SORCS2: variants seen among roughly 807,000 people sequenced by gnomAD.
SORCS2 encodes sortilin related VPS10 domain containing receptor 2, also known as VPS10 domain-containing receptor SorCS2.
SORCS2 carries 100 observed loss-of-function variants against 141.6 expected under a neutral mutation model. The ratio of observed to expected loss-of-function variants is 0.71; its 90% CI spans 0.60 to 0.83. The LOEUF (loss-of-function observed/expected upper bound fraction) is 0.83, where lower values mean the gene tolerates loss of function less well. Among genes scored for constraint, SORCS2 ranks in the 40% least tolerant of loss-of-function variants. The probability of loss-of-function intolerance (pLI) is 0.00; values close to 1 mark genes in which losing one functional copy is unlikely to be tolerated. For synonymous variants in SORCS2, 789 were observed against 676.9 expected, an observed-to-expected ratio of 1.17 and a Z score of -2.57; for missense variants, 1,646 against 1,560.2, an observed-to-expected ratio of 1.05 and a Z score of -0.93.
intron 1 of SORCS2, among the ~76,000 whole-genome samples, chr4:7,394,009 C>A (rs1017552477): frequency 5.9e-5 from 9 of 152,118 alleles, no homozygotes; most frequent in African/African-American, 1.9e-4. Context: ...TCTGGCTTCT[C>A]CAGCACTGGC....
chr4:7,654,072 C>A, intron 4 of SORCS2, 62 bp from the exon 5 acceptor site: 1 of 1,441,720 alleles, frequency 6.9e-7, no homozygotes, highest in Non-Finnish European at 9.6e-7. Context: ...ATCACCCTCT[C>A]TCAGAAGCAG....
intron 3 of SORCS2, among the ~76,000 whole-genome samples, chr4:7,593,085 G>A (rs1216897265): frequency 1.3e-5 from 2 of 152,064 alleles, no homozygotes; most frequent in South Asian, 2.1e-4. Context: ...CACATATGGT[G>A]GCAGTCAGGA....
intron 8 of SORCS2, among the ~76,000 whole-genome samples, chr4:7,667,864 T>C (rs1206327133): frequency 6.6e-6 from 1 of 152,188 alleles, no homozygotes; most frequent in Non-Finnish European, 1.5e-5. Flanking sequence ...GAGGAGGTGA[T>C]GGAAGTTCAG....
At chr4:7,386,173 G>A (rs375949915) in intron 1 of SORCS2, among the ~76,000 whole-genome samples, 7,535 of 103,590 alleles carry the variant, frequency 0.073, 362 homozygotes, top group East Asian at 0.12. Flanking sequence ...ATACACATGC[G>A]CACGCACACA....
rs553576498 is a variant in SORCS2, at chr4:7,580,991, A to G, written c.648+49362A>G. Among the ~76,000 whole-genome samples the G allele has an allele frequency of 3.3e-5, 5 of 152,272 alleles. No individual in the cohort carries two copies. In the South Asian group the frequency reaches 6.2e-4, roughly 19 times the overall value. On this transcript the variant is annotated intron_variant, in intron 3 of 26. Coordinates refer to ENST00000507866, the MANE Select transcript of SORCS2 (RefSeq NM_020777.3). Reference sequence around the variant, plus strand: ...ATATACATTTTCTAAAATCCTTACAACAATCTTATAAGGAAGACATGATGT... The same window carrying G: ...ATATACATTTTCTAAAATCCTTACAGCAATCTTATAAGGAAGACATGATGT...
intron 2 of SORCS2, among the ~76,000 whole-genome samples, chr4:7,469,736 G>GC (rs1729855346): frequency 6.6e-6 from 1 of 152,110 alleles, no homozygotes; most frequent in Admixed American, 6.5e-5. Flanking sequence ...TGCTTAAAAA[G>GC]CTCCCCAGGT....
chr4:7,725,447 C>T (rs1039023703), intron 20 of SORCS2, among the ~76,000 whole-genome samples, 160 bp downstream of exon 20: 1 of 152,204 alleles, frequency 6.6e-6, no homozygotes, highest in Non-Finnish European at 1.5e-5. Flanking sequence ...GGGGCACACC[C>T]TCCGTGGGTG....
chr4:7,676,030 C>T lies in SORCS2; in HGVS notation c.1162-20C>T, dbSNP rs190992233. Reference sequence around the variant, plus strand: ...CCCCCAGCCTGGCTCTGACCCTGTGCTCCCTGCACATCCCCACAGGATCTG... The same window carrying T: ...CCCCCAGCCTGGCTCTGACCCTGTGTTCCCTGCACATCCCCACAGGATCTG... On this transcript the variant is annotated intron_variant, in intron 8 of 26. Coordinates refer to ENST00000507866, the MANE Select transcript of SORCS2 (RefSeq NM_020777.3). 127 of 1,564,240 alleles carry T rather than the reference C, an allele frequency of 8.1e-5. No individual in the cohort carries two copies. In the African/African-American group the frequency reaches 1.4e-3, roughly 18 times the overall value.
chr4:7,333,538 T>C (rs966394182), intron 1 of SORCS2, among the ~76,000 whole-genome samples: 2 of 152,042 alleles, frequency 1.3e-5, no homozygotes, highest in Non-Finnish European at 2.9e-5. Context: ...CCTCTGAGTT[T>C]CAAGATCGGG....
chr4:7,630,703 G>A (rs990445210), intron 3 of SORCS2, among the ~76,000 whole-genome samples: 1 of 152,210 alleles, frequency 6.6e-6, no homozygotes, highest in Non-Finnish European at 1.5e-5. Flanking sequence ...ACACAAGCTT[G>A]GATGAGACAC....
intron 1 of SORCS2, among the ~76,000 whole-genome samples, chr4:7,307,636 C>T (rs904325653): frequency 2.0e-5 from 3 of 152,212 alleles, no homozygotes; most frequent in Admixed American, 6.5e-5. Flanking sequence ...CATTTGCCAT[C>T]AGAGGGAAGC....
chr4:7,676,172 G>A lies in SORCS2; in HGVS notation c.1284G>A (p.Leu428=). 2.6e-6 allele frequency: 4 copies of A among 1,556,872 alleles called. No individual in the cohort carries two copies. Among genetic ancestry groups the A allele is most frequent in the Non-Finnish European group, 3.5e-6 (4 of 1,149,968 alleles). The stretch of plus-strand genomic sequence containing the variant: ...GGGGCGTGCGCTACGCGCTGGTGCT[G>A]CAGGACGTGCGCAGCTCACGGCAGG... ...DPRGVRYALV[L]QDVRSSRQAE... The change falls in exon 9 of 27, where the codon CTG becomes CTA. Residue 428 remains leucine (L), a synonymous_variant. Transcript: ENST00000507866.
intron 1 of SORCS2, among the ~76,000 whole-genome samples, chr4:7,356,959 A>G (rs181566280): frequency 2.0e-5 from 3 of 152,244 alleles, no homozygotes; most frequent in Non-Finnish European, 4.4e-5. Flanking sequence ...CAGACCTTTT[A>G]TCTCCCCTTT....
chr4:7,657,113 G>A (rs1721826200), intron 5 of SORCS2, among the ~76,000 whole-genome samples: 1 of 152,248 alleles, frequency 6.6e-6, no homozygotes, highest in South Asian at 2.1e-4. Flanking sequence ...CCTGGAGCAG[G>A]CACCAGGCCT....
chr4:7,348,801 C>T (rs1326971041), intron 1 of SORCS2, among the ~76,000 whole-genome samples: 2 of 152,202 alleles, frequency 1.3e-5, no homozygotes, highest in East Asian at 1.9e-4. Context: ...GATCCACCCA[C>T]GTCAGTCTCC....
At chr4:7,373,476 ATATTTTTTTTTTTT>A (rs1274291439) in intron 1 of SORCS2, among the ~76,000 whole-genome samples, 3 of 44,590 alleles carry the variant, frequency 6.7e-5, no homozygotes, top group African/African-American at 4.4e-4. Context: ...ATATATATAT[ATATTTTTTTTTTTT>A]TTTTTTTTTT....
intron 3 of SORCS2, among the ~76,000 whole-genome samples, chr4:7,531,925 C>T (rs908761404): frequency 3.9e-5 from 6 of 152,276 alleles, no homozygotes; most frequent in Non-Finnish European, 8.8e-5. Flanking sequence ...CAGGGAGGAG[C>T]TGTGGGCCTG....
intron 2 of SORCS2, among the ~76,000 whole-genome samples, chr4:7,477,036 G>C (rs1044960450): frequency 6.6e-6 from 1 of 152,178 alleles, no homozygotes; most frequent in African/African-American, 2.4e-5. Flanking sequence ...ACACGGCCAG[G>C]TTCTGACTCC....
At chr4:7,448,328 C>G (rs546772395) in intron 2 of SORCS2, among the ~76,000 whole-genome samples, 48 of 152,096 alleles carry the variant, frequency 3.2e-4, no homozygotes, top group African/African-American at 1.1e-3. Flanking sequence ...CGGCCAGGCA[C>G]AGAGAGAGAT....
Sources: gnomAD v4.1 joint callset for allele counts (sites outside exome capture counted in the v4.1 genomes callset) on GRCh38, gnomAD v4.1.1 for gene constraint, MANE v1.5 for transcripts, NCBI Gene and HGNC (gene_info 2026-07-23, HGNC 2026-07-21) for gene names.